ZFP64: variants seen among roughly 807,000 people sequenced by gnomAD.
The protein encoded by ZFP64 is ZFP64 zinc finger protein, also known as zinc finger protein 64.
A neutral mutation model predicts 51.6 loss-of-function variants in ZFP64; 14 were observed. That is an observed-to-expected ratio of 0.27 (90% CI 0.18 to 0.42). The LOEUF (loss-of-function observed/expected upper bound fraction) is 0.42. Ranked by LOEUF, ZFP64 falls within the 10% of genes least tolerant of loss-of-function variation. The pLI, the probability that ZFP64 is intolerant of heterozygous loss-of-function variation, is 1.00. For synonymous variants in ZFP64, 375 were observed against 361.4 expected, an observed-to-expected ratio of 1.04 and a Z score of -0.43; for missense variants, 754 against 906.8, an observed-to-expected ratio of 0.83 and a Z score of 2.16.
chr20:52,122,372 GGCC>G (rs1387916563), intron 5 of ZFP64, among the ~76,000 whole-genome samples: 1 of 152,034 alleles, frequency 6.6e-6, no homozygotes, highest in Non-Finnish European at 1.5e-5. Flanking sequence ...CGGGTGTGGT[GGCC>G]GGCGCCTGTA....
rs528689512 is a variant in ZFP64 at position 52,175,271 on chromosome 20, C to T, written c.287-9246G>A. ...CTGAGTAGCTGGGATAACAGGTATG[C>T]GCCACCACGCCCAGCTAATTTTTGT... is the stretch of plus-strand genomic sequence containing the variant. On this transcript the variant is annotated intron_variant, in intron 2 of 5. Transcript: ENST00000216923. Among the ~76,000 whole-genome samples, 5 of 152,188 alleles carry T rather than the reference C, an allele frequency of 3.3e-5. No homozygotes were observed. The East Asian group carries it at 7.8e-4, about 24-fold the overall frequency.
intron 5 of ZFP64, among the ~76,000 whole-genome samples, chr20:52,126,117 C>T (rs956790362): frequency 2.0e-5 from 3 of 152,072 alleles, no homozygotes; most frequent in Admixed American, 6.6e-5. Context: ...AGGCTGGTCT[C>T]GAACTCTTGA....
rs1156798173 is a variant in ZFP64 at position 52,153,994 on chromosome 20, T to G, written c.764-566A>C. Among the ~76,000 whole-genome samples the G allele has an allele frequency of 6.6e-6, 1 of 152,212 alleles. No homozygotes were observed. The highest frequency in any genetic ancestry group is 1.5e-5 in the Non-Finnish European group (1 of 68,036). ...TATTTATCCCATATTGCCAGCTGCG[T>G]TCTTTACTTGTGAAGTTACAAAATC... On this transcript the variant is annotated intron_variant, in intron 5 of 5. Coordinates refer to ENST00000216923, the MANE Select transcript of ZFP64 (RefSeq NM_018197.3). This position sits in a 1 kb window ranked among gnomAD's most constrained non-coding sequence, Gnocchi z 5.1.
intron 7 of ZFP64, chr20:52,088,866 T>A (rs1302350541): frequency 1.4e-6 from 1 of 698,492 alleles, no homozygotes; most frequent in African/African-American, 1.8e-5. Context: ...AAAATCTGAT[T>A]GATGGAGAAA....
chr20:52,092,409 A>G lies in ZFP64; in HGVS notation c.977-3766T>C, dbSNP rs145575331. 5.5e-3 allele frequency among the ~76,000 whole-genome samples: 835 copies of G among 152,340 alleles called. 6 individuals carry two copies. Among genetic ancestry groups the G allele is most frequent in the Non-Finnish European group, 9.1e-3 (616 of 68,036 alleles). ...TCATACCTAGTTGAAAACCATTCCA[A>G]TAGACTTTGGAAAAGCAGAAGGGGA... is the stretch of plus-strand genomic sequence containing the variant. On this transcript the variant is annotated intron_variant, in intron 7 of 8. Coordinates refer to the ZFP64 transcript ENST00000361387.
chr20:52,162,826 C>T (rs1981933918), intron 4 of ZFP64, among the ~76,000 whole-genome samples: 1 of 152,092 alleles, frequency 6.6e-6, no homozygotes, highest in African/African-American at 2.4e-5. Context: ...TGGTAAAGAG[C>T]CCTGTTGCTG....
Position 52,151,990 on chromosome 20 carries a change from T to C in ZFP64, c.*156A>G, listed in dbSNP as rs148819524. The C allele has an allele frequency of 6.1e-3, 8,589 of 1,409,904 alleles. 96 individuals are homozygous for C. The highest frequency in any genetic ancestry group is 0.046 in the Admixed American group (1,597 of 34,994). 87.3% of individuals were successfully genotyped at this position (1,409,904 alleles called of 1,614,324 possible). A position where few individuals can be genotyped will look rare whatever the true frequency, so the allele number is the denominator to read the frequency against. The stretch of plus-strand genomic sequence containing the variant: ...AGGCGGACGTTGCAGTGAGCCAAGA[T>C]AGCGCCACTGCACTCCAGCCTGGGA... On this transcript the variant is annotated 3_prime_UTR_variant, in exon 6 of 6. Coordinates refer to ENST00000216923, the MANE Select transcript of ZFP64 (RefSeq NM_018197.3).
chr20:52,084,459 T>G lies in ZFP64; in HGVS notation c.*98A>C, dbSNP rs1208588147. 3 of 1,226,682 alleles carry G rather than the reference T, an allele frequency of 2.4e-6. No homozygotes were observed. In the African/African-American group the frequency reaches 4.6e-5, roughly 19 times the overall value. The allele number at this position is 1,226,682 out of a possible 1,614,324, so 76.0% of individuals were successfully genotyped here. On this transcript the variant is annotated 3_prime_UTR_variant, in exon 9 of 9. Transcript: ENST00000361387. ...AAGTTGGAGCGGCCAGCCCCAGAAG[T>G]GGTGCCCAAAGCCTGTCTCTCAGTG...
Position 52,153,325 on chromosome 20 carries a change from G to T in ZFP64, c.867C>A (p.Cys289Ter), listed in dbSNP as rs771173936. Residue 289 changes from cysteine to a stop codon, truncating the protein, a stop_gained, in exon 6 of 6, where the codon TGC (cysteine) becomes TGA (stop). Coordinates refer to ENST00000216923, the MANE Select transcript of ZFP64 (RefSeq NM_018197.3). LOFTEE classifies it high-confidence loss of function. The surrounding 1 kb of genome is among the most constrained non-coding windows in gnomAD (Gnocchi z 5.1). Reference sequence around the variant, plus strand: ...TGGTGCAGCGGACATTGCAGAACTCGCACTTGAAAGGCTTCTCCCCCGAGT... The same window carrying T: ...TGGTGCAGCGGACATTGCAGAACTCTCACTTGAAAGGCTTCTCCCCCGAGT... ...RVHSGEKPFK[C>*]EFCNVRCTMK... 6.2e-7 allele frequency: 1 copy of T among 1,614,048 alleles called. No homozygotes were observed. The highest frequency in any genetic ancestry group is 1.3e-5 in the African/African-American group (1 of 74,914).
intron 5 of ZFP64, among the ~76,000 whole-genome samples, chr20:52,101,380 ATTTTT>A (rs5841878): frequency 6.6e-6 from 1 of 151,426 alleles, no homozygotes; most frequent in Non-Finnish European, 1.5e-5. Flanking sequence ...GGGACTTGCG[ATTTTT>A]TTTTGAGACA....
intron 2 of ZFP64, among the ~76,000 whole-genome samples, chr20:52,172,684 A>T (rs1402942002): frequency 2.0e-5 from 3 of 151,714 alleles, no homozygotes; most frequent in Non-Finnish European, 4.4e-5. Context: ...AGAATGCAGC[A>T]CGGGCCACCT....
intron 2 of ZFP64, among the ~76,000 whole-genome samples, chr20:52,167,946 T>G (rs1368164708): frequency 6.6e-6 from 1 of 152,238 alleles, no homozygotes; most frequent in Non-Finnish European, 1.5e-5. Context: ...TGTTTTAGAT[T>G]GTAAAATGTG....
chr20:52,183,750 G>A (rs72626582), intron 2 of ZFP64, among the ~76,000 whole-genome samples: 25,620 of 152,064 alleles, frequency 0.17, 2,721 homozygotes, highest in South Asian at 0.24. Flanking sequence ...AAACTCAGTA[G>A]AAACATTATT....
intron 5 of ZFP64, among the ~76,000 whole-genome samples, chr20:52,144,328 C>A: frequency 7.1e-6 from 1 of 140,704 alleles, no homozygotes; most frequent in African/African-American, 2.5e-5. Flanking sequence ...ACCTACAATC[C>A]CAGCACTTTG....
At chr20:52,168,856 A>G (rs1982489415) in intron 2 of ZFP64, among the ~76,000 whole-genome samples, 2 of 152,342 alleles carry the variant, frequency 1.3e-5, no homozygotes, top group Admixed American at 1.3e-4. Context: ...CTCAATACAT[A>G]CAGTTCCAAA....
intron 5 of ZFP64, among the ~76,000 whole-genome samples, chr20:52,144,597 A>AAAAAAAAAAAAAAAAAAAAAAAC (rs1980429601): frequency 6.7e-6 from 1 of 148,568 alleles, no homozygotes; most frequent in Non-Finnish European, 1.5e-5. Context: ...AAAAAAAAAA[A>AAAAAAAAAAAAAAAAAAAAAAAC]AAAAATGCTG....
chr20:52,098,394 T>C (rs1025885873), intron 6 of ZFP64: 10 of 1,608,204 alleles, frequency 6.2e-6, no homozygotes, highest in African/African-American at 2.7e-5. Context: ...TGCAGATCAG[T>C]GCTTGGCTCA....
At chr20:52,147,321 A>C (rs896468612), downstream of ZFP64, among the ~76,000 whole-genome samples, 1 of 152,074 alleles carries the variant, frequency 6.6e-6, no homozygotes, top group African/African-American at 2.4e-5. Context: ...ACTCTAAGTG[A>C]AAACTGGAGT....
chr20:52,116,443 TTTC>T (rs1555881455), intron 5 of ZFP64, among the ~76,000 whole-genome samples: 1 of 102,686 alleles, frequency 9.7e-6, no homozygotes, highest in African/African-American at 3.5e-5. Flanking sequence ...GCCATATTTC[TTTC>T]TTTTTTTTTT....
Sources: allele counts gnomAD v4.1 joint callset (sites outside exome capture counted in the v4.1 genomes callset), GRCh38; gene constraint gnomAD v4.1.1; non-coding constraint Gnocchi (gnomAD v3.1); transcripts MANE v1.5; gene names NCBI Gene and HGNC (gene_info 2026-07-23, HGNC 2026-07-21).